The following ANOS1 variants were observed in gnomAD, a reference collection of about 807,000 sequenced individuals.
The protein encoded by ANOS1 is anosmin-1.
ANOS1 carries 6 observed loss-of-function variants against 59.0 expected under a neutral mutation model. The ratio of observed to expected loss-of-function variants is 0.10; its 90% CI spans 0.06 to 0.20. ANOS1 has a LOEUF of 0.20. Ranked by LOEUF, ANOS1 falls within the 10% of genes least tolerant of loss-of-function variation. The pLI, the probability that ANOS1 is intolerant of heterozygous loss-of-function variation, is 1.00. For missense variants in ANOS1, 433 were observed against 542.3 expected (o/e 0.80, Z 2.00); for synonymous variants, 217 against 223.4 (o/e 0.97, Z 0.25).
intron 1 of ANOS1, among the ~76,000 whole-genome samples, chrX:8,721,935 A>T (rs768791380): frequency 8.9e-6 from 1 of 111,879 alleles, no homozygotes; most frequent in East Asian, 2.8e-4. Flanking sequence ...CTGTTGCAAG[A>T]CTCTGTATTT....
chrX:8,692,386 T>C (rs1193940303), intron 2 of ANOS1, among the ~76,000 whole-genome samples: 1 of 111,310 alleles, frequency 9.0e-6, no homozygotes, highest in Non-Finnish European at 1.9e-5. Context: ...GGTGTTTTTT[T>C]AGAAGTCATT....
intron 6 of ANOS1, 118 bp downstream of exon 6, chrX:8,585,149 C>T: frequency 1.2e-6 from 1 of 852,298 alleles, no homozygotes; most frequent in South Asian, 2.2e-5. Context: ...TTCTCTAAAA[C>T]AGCAAAGCCA....
chrX:8,665,166 C>T lies in ANOS1; in HGVS notation c.255+34532G>A, dbSNP rs763250000. On this transcript the variant is annotated intron_variant, in intron 2 of 13. Coordinates refer to ENST00000262648, the MANE Select transcript of ANOS1 (RefSeq NM_000216.4). Reference sequence around the variant, plus strand: ...CAGCAGTGTGCTTCAAAATTCCCCACAAGTCAAACCTTGACAAACTGGATA... The same window carrying T: ...CAGCAGTGTGCTTCAAAATTCCCCATAAGTCAAACCTTGACAAACTGGATA... 1.8e-3 allele frequency among the ~76,000 whole-genome samples: 202 copies of T among 112,234 alleles called. 1 individual carries two copies. The highest frequency in any genetic ancestry group is 6.3e-3 in the African/African-American group (196 of 30,874).
At chrX:8,685,640 GAA>G (rs1442975375) in intron 2 of ANOS1, among the ~76,000 whole-genome samples, 11 of 97,964 alleles carry the variant, frequency 1.1e-4, no homozygotes, top group Non-Finnish European at 2.2e-4. Context: ...AAGAAAGAAA[GAA>G]AGAAAGAAAG....
chrX:8,601,460 T>C (rs1055708670), intron 3 of ANOS1, among the ~76,000 whole-genome samples: 3 of 111,639 alleles, frequency 2.7e-5, no homozygotes, highest in African/African-American at 9.8e-5. Context: ...TGTCTCCTTA[T>C]CTTCATTATT....
In ANOS1 at chrX:8,568,255, G is replaced by C. The variant is rs1569050751; in HGVS notation, c.1184C>G (p.Thr395Arg). Residue 395 changes from threonine to arginine, a missense_variant, in exon 8 of 14, where the codon ACA becomes AGA. Physicochemically the swap from Thr to Arg is moderately conservative, Grantham distance 71 (BLOSUM62 -1). Coordinates refer to ENST00000262648, the MANE Select transcript of ANOS1 (RefSeq NM_000216.4). ...LKSAKVSLHF[T>R]STHATNNKEQ... ...ACTGTTGTTGGTTGCATGTGTCGAT[G>C]TGAAGTGAAGGGACACCTTTGCACT... The C allele has an allele frequency of 2.5e-6, 3 of 1,210,719 alleles. No homozygotes were observed.
chrX:8,534,750 T>C (rs754321038), intron 12 of ANOS1, among the ~76,000 whole-genome samples: 69 of 111,560 alleles, frequency 6.2e-4, no homozygotes, highest in African/African-American at 2.2e-3. Flanking sequence ...ATTTTATTTA[T>C]TTTTTTAATT....
At chrX:8,671,298 A>G (rs1487988040) in intron 2 of ANOS1, among the ~76,000 whole-genome samples, 2 of 111,665 alleles carry the variant, frequency 1.8e-5, no homozygotes, top group African/African-American at 6.5e-5. Flanking sequence ...TTTAACTAGA[A>G]AACCCGACTC....
At chrX:8,609,670 C>T (rs1931007539) in intron 3 of ANOS1, among the ~76,000 whole-genome samples, 1 of 111,060 alleles carries the variant, frequency 9.0e-6, no homozygotes, top group South Asian at 3.8e-4. Context: ...ATCCACCTTA[C>T]AGTCCTGATT....
chrX:8,681,284 G>A (rs1392719255), intron 2 of ANOS1, among the ~76,000 whole-genome samples: 1 of 111,672 alleles, frequency 9.0e-6, no homozygotes, highest in Non-Finnish European at 1.9e-5. Flanking sequence ...TAAATTTATA[G>A]GCCCCAATAA....
At chrX:8,603,602 G>C (rs1930885415) in intron 3 of ANOS1, among the ~76,000 whole-genome samples, 1 of 112,280 alleles carries the variant, frequency 8.9e-6, no homozygotes, top group Non-Finnish European at 1.9e-5. Flanking sequence ...GCAAGGTATT[G>C]TACAGTAAAA....
At chrX:8,594,749 TAC>T (rs1555895636) in intron 4 of ANOS1, among the ~76,000 whole-genome samples, 7 of 78,273 alleles carry the variant, frequency 8.9e-5, no homozygotes, top group African/African-American at 2.6e-4. Context: ...TATATATATA[TAC>T]ATATATATAT....
intron 8 of ANOS1, among the ~76,000 whole-genome samples, chrX:8,564,320 GA>G (rs1930076574): frequency 9.0e-6 from 1 of 111,493 alleles, no homozygotes; most frequent in East Asian, 2.8e-4. Context: ...AAGTGAGATT[GA>G]AAAATAGATT....
chrX:8,699,420 C>G (rs1377332677), intron 2 of ANOS1, among the ~76,000 whole-genome samples: 1 of 111,987 alleles, frequency 8.9e-6, no homozygotes, highest in Non-Finnish European at 1.9e-5. Flanking sequence ...CAATAAAATA[C>G]AGTAGTATAT....
chrX:8,637,715 G>A (rs1166767144), intron 2 of ANOS1, among the ~76,000 whole-genome samples: 3 of 112,154 alleles, frequency 2.7e-5, no homozygotes, highest in Non-Finnish European at 3.8e-5. Context: ...TAAAAGGAAA[G>A]TACAAAAGTA....
chrX:8,580,709 A>G (rs932408410), intron 6 of ANOS1, among the ~76,000 whole-genome samples: 5 of 112,086 alleles, frequency 4.5e-5, no homozygotes, highest in Non-Finnish European at 7.5e-5. Flanking sequence ...AATCCTATGC[A>G]GTGAGCCTAA....
chrX:8,698,050 T>C (rs753906559), intron 2 of ANOS1, among the ~76,000 whole-genome samples: 179 of 112,292 alleles, frequency 1.6e-3, no homozygotes, highest in African/African-American at 5.3e-3. Flanking sequence ...ATAAGCAAGA[T>C]TCATTCCCAA....
intron 3 of ANOS1, among the ~76,000 whole-genome samples, chrX:8,620,857 T>A (rs147427526): frequency 0.014 from 1,620 of 111,967 alleles, 38 homozygotes; most frequent in African/African-American, 0.05. Context: ...GAGTCCCATT[T>A]TAATAAACTG....
intron 3 of ANOS1, among the ~76,000 whole-genome samples, chrX:8,618,846 C>T (rs762521564): frequency 9.1e-6 from 1 of 109,857 alleles, no homozygotes; most frequent in Non-Finnish European, 1.9e-5. Context: ...CTGAGGTGGG[C>T]GGATCACCTG....
Sources: gnomAD v4.1 joint callset for allele counts (sites outside exome capture counted in the v4.1 genomes callset) on GRCh38, gnomAD v4.1.1 for gene constraint, MANE v1.5 for transcripts, NCBI Gene and HGNC (gene_info 2026-07-23, HGNC 2026-07-21) for gene names.